Variants in DNAAF9 observed in about 807,000 individuals in gnomAD.
The protein encoded by DNAAF9 is shulin.
Under a neutral mutation model 167.0 loss-of-function variants are expected in DNAAF9, and 90 were observed. The observed-to-expected ratio is 0.54, with a 90% CI of 0.45 to 0.64. The LOEUF is 0.64. Among genes scored for constraint, DNAAF9 ranks in the 30% least tolerant of loss-of-function variants. The pLI, the probability that DNAAF9 is intolerant of heterozygous loss-of-function variation, is 0.00. For synonymous variants in DNAAF9, 491 were observed against 508.8 expected, an observed-to-expected ratio of 0.96 and a Z score of 0.47; for missense variants, 1,315 against 1,442.2, an observed-to-expected ratio of 0.91 and a Z score of 1.43.
chr20:3,407,258 T>C (rs930890531), intron 1 of DNAAF9, among the ~76,000 whole-genome samples: 4 of 152,018 alleles, frequency 2.6e-5, no homozygotes, highest in Non-Finnish European at 2.9e-5. Flanking sequence ...GGGGGAGCCA[T>C]TGTGGGGAAA....
At chr20:3,289,225 T>C (rs553004762) in intron 26 of DNAAF9, among the ~76,000 whole-genome samples, 2 of 152,330 alleles carry the variant, frequency 1.3e-5, no homozygotes, top group Non-Finnish European at 2.9e-5. Context: ...ACATGGCATA[T>C]GTATACATGT....
rs918904565 is a variant in DNAAF9, at chr20:3,250,889, A to T, written c.*1683T>A. 5.9e-5 allele frequency: 9 copies of T among 152,158 alleles called. No individual in the cohort carries two copies. Among genetic ancestry groups the T allele is most frequent in the African/African-American group, 2.2e-4 (9 of 41,424 alleles). 9.4% of individuals were successfully genotyped at this position (152,158 alleles called of 1,614,324 possible). A position where few individuals can be genotyped will look rare whatever the true frequency, so the allele number is the denominator to read the frequency against. On this transcript the variant is annotated 3_prime_UTR_variant, in exon 37 of 37. Transcript: ENST00000252032. ...GGTAGAGCTAAAGGAAGCTACAGTA[A>T]CTCACTGCTTATTAATCAATTGCAC... is the stretch of plus-strand genomic sequence containing the variant.
chr20:3,407,158 A>C (rs1462226929), intron 1 of DNAAF9, among the ~76,000 whole-genome samples: 3 of 152,036 alleles, frequency 2.0e-5, no homozygotes, highest in African/African-American at 7.2e-5. Context: ...GAAACGTTCT[A>C]TGGGGGTGAG....
chr20:3,370,836 C>A (rs2083497455), intron 6 of DNAAF9, among the ~76,000 whole-genome samples: 1 of 152,140 alleles, frequency 6.6e-6, no homozygotes, highest in Non-Finnish European at 1.5e-5. Context: ...ACTCACCAGG[C>A]CCTTTTCAGT....
At chr20:3,269,627 C>T (rs542204842) in intron 30 of DNAAF9, among the ~76,000 whole-genome samples, 7 of 152,210 alleles carry the variant, frequency 4.6e-5, no homozygotes, top group South Asian at 2.1e-4. Flanking sequence ...AAATGGTACA[C>T]GATGGGGTCT....
At chr20:3,279,194 ACT>A (rs1429773035) in intron 28 of DNAAF9, among the ~76,000 whole-genome samples, 1 of 152,180 alleles carries the variant, frequency 6.6e-6, no homozygotes, top group Non-Finnish European at 1.5e-5. Context: ...AAGGAGGGAT[ACT>A]GGGGACAGGA....
intron 6 of DNAAF9, among the ~76,000 whole-genome samples, chr20:3,366,119 C>T (rs2083429920): frequency 6.6e-6 from 1 of 152,176 alleles, no homozygotes; most frequent in Middle Eastern, 3.2e-3. Flanking sequence ...CCCTTAATGT[C>T]ATCTAGATTG....
In DNAAF9 at chr20:3,340,650, A is replaced by C. The variant is rs768216119; in HGVS notation, c.846-11T>G. Reference sequence around the variant, plus strand: ...GGCTGCCGGTTAGGGCTAGAGAGGGAAGTCAAAAACATGTGATTAGAAAAG... The same window carrying C: ...GGCTGCCGGTTAGGGCTAGAGAGGGCAGTCAAAAACATGTGATTAGAAAAG... On this transcript the variant is annotated splice_polypyrimidine_tract_variant and intron_variant, in intron 9 of 36. Coordinates refer to ENST00000252032, the MANE Select transcript of DNAAF9 (RefSeq NM_001009984.3). 1 of 1,613,738 alleles carries C rather than the reference A, an allele frequency of 6.2e-7. No homozygotes were observed. The highest frequency in any genetic ancestry group is 2.2e-5 in the East Asian group (1 of 44,878).
intron 1 of DNAAF9, among the ~76,000 whole-genome samples, chr20:3,401,710 C>T (rs2083986819): frequency 6.6e-6 from 1 of 152,156 alleles, no homozygotes; most frequent in Admixed American, 6.6e-5. Flanking sequence ...GCAAGGGAAA[C>T]AATGTGAGAA....
rs762685678 is a variant in DNAAF9 at position 3,382,397 on chromosome 20, C to T, written c.163+30G>A. 6 of 1,581,554 alleles carry T rather than the reference C, an allele frequency of 3.8e-6. No individual in the cohort carries two copies. The African/African-American group carries it at 8.1e-5, about 21-fold the overall frequency. ...ACAAAAAAAGCCAAGTTGCCCAAGC[C>T]CTGAGTCCCACCTTGTTAAAAGCAC... On this transcript the variant is annotated intron_variant, in intron 2 of 36. Transcript: ENST00000252032.
At chr20:3,368,568 A>G (rs1166613186) in intron 6 of DNAAF9, among the ~76,000 whole-genome samples, 1 of 146,260 alleles carries the variant, frequency 6.8e-6, no homozygotes, top group Non-Finnish European at 1.5e-5. Flanking sequence ...GCTGGAGTGC[A>G]GTGGCATGAT....
chr20:3,368,770 G>A (rs567497252), intron 6 of DNAAF9, among the ~76,000 whole-genome samples: 6 of 151,930 alleles, frequency 3.9e-5, no homozygotes, highest in East Asian at 3.9e-4. Flanking sequence ...CCTCCGCCTC[G>A]GCCTCCCAAA....
intron 1 of DNAAF9, among the ~76,000 whole-genome samples, chr20:3,399,704 G>A (rs2083957825): frequency 1.3e-5 from 2 of 152,222 alleles, no homozygotes; most frequent in Admixed American, 6.5e-5. Flanking sequence ...CATGATGGCT[G>A]GAGTTCCTAC....
chr20:3,388,993 A>C (rs899975617), intron 1 of DNAAF9, among the ~76,000 whole-genome samples: 3 of 152,200 alleles, frequency 2.0e-5, no homozygotes, highest in South Asian at 2.1e-4. Context: ...TCTGAGACAG[A>C]GTTTCGTTCT....
At chr20:3,266,709 C>T (rs1343209031) in intron 30 of DNAAF9, among the ~76,000 whole-genome samples, 2 of 152,008 alleles carry the variant, frequency 1.3e-5, no homozygotes, top group East Asian at 3.9e-4. Context: ...GATCTCCTGA[C>T]CTTGTGATCT....
chr20:3,318,728 A>G (rs2069554026), intron 16 of DNAAF9, among the ~76,000 whole-genome samples: 1 of 152,128 alleles, frequency 6.6e-6, no homozygotes, highest in African/African-American at 2.4e-5. Flanking sequence ...TGGGAGGTCA[A>G]GGAACCCAGG....
At chr20:3,349,909 C>T (rs542502406) in intron 7 of DNAAF9, among the ~76,000 whole-genome samples, 5 of 152,142 alleles carry the variant, frequency 3.3e-5, no homozygotes, top group Admixed American at 2.0e-4. Flanking sequence ...GTATGTTAGT[C>T]GCCCAGTCTA....
intron 1 of DNAAF9, among the ~76,000 whole-genome samples, chr20:3,387,426 T>G (rs1283126222): frequency 6.6e-6 from 1 of 152,154 alleles, no homozygotes; most frequent in East Asian, 1.9e-4. Context: ...CAAGTGGTGC[T>G]GGGAAAACTA....
chr20:3,392,419 CAAAG>C (rs1380489543), intron 1 of DNAAF9, among the ~76,000 whole-genome samples: 3 of 152,132 alleles, frequency 2.0e-5, no homozygotes, highest in Non-Finnish European at 2.9e-5. Context: ...TGATAGATGA[CAAAG>C]AAGAAGAAAC....
Sources: allele counts gnomAD v4.1 joint callset (sites outside exome capture counted in the v4.1 genomes callset), GRCh38; gene constraint gnomAD v4.1.1; transcripts MANE v1.5; gene names NCBI Gene and HGNC (gene_info 2026-07-23, HGNC 2026-07-21).